SFXN5: variants seen among roughly 807,000 people sequenced by gnomAD.
The protein encoded by SFXN5 is sideroflexin 5, also known as sideroflexin-5.
Under a neutral mutation model 50.2 loss-of-function variants are expected in SFXN5, and 43 were observed. The ratio of observed to expected loss-of-function variants is 0.86; its 90% CI spans 0.67 to 1.11. The LOEUF is 1.11. SFXN5 is among the 50% of genes least tolerant of loss of function. SFXN5 has a pLI of 0.00. For synonymous variants in SFXN5, 203 were observed against 185.8 expected, an observed-to-expected ratio of 1.09 and a Z score of -0.75; for missense variants, 463 against 454.1, an observed-to-expected ratio of 1.02 and a Z score of -0.18.
chr2:72,969,846 G>T (rs1674942104), intron 11 of SFXN5, among the ~76,000 whole-genome samples: 1 of 152,150 alleles, frequency 6.6e-6, no homozygotes, highest in African/African-American at 2.4e-5. Context: ...TTCCCTCGGG[G>T]TCTGCTTGGG....
intron 10 of SFXN5, among the ~76,000 whole-genome samples, chr2:72,979,442 T>G (rs567874465): frequency 3.3e-5 from 5 of 152,274 alleles, no homozygotes; most frequent in African/African-American, 1.2e-4. Context: ...AAGACCAGCC[T>G]GGTCAACATG....
chr2:73,034,059 T>C (rs1290726956), intron 3 of SFXN5, among the ~76,000 whole-genome samples: 1 of 152,228 alleles, frequency 6.6e-6, no homozygotes. Flanking sequence ...CTCTGTGTGC[T>C]GTATCAGCAA....
intron 2 of SFXN5, among the ~76,000 whole-genome samples, chr2:73,045,186 C>G (rs1040461681): frequency 6.6e-6 from 1 of 152,142 alleles, no homozygotes; most frequent in Middle Eastern, 3.2e-3. Context: ...CTTCCTTGCC[C>G]AAGGTCACAG....
At chr2:73,040,759 CG>C in intron 3 of SFXN5, 94 bp downstream of exon 3, 3 of 992,020 alleles carry the variant, frequency 3.0e-6, no homozygotes, top group Non-Finnish European at 4.5e-6. Context: ...ATATGCTGGA[CG>C]AAAGAAGTGG....
rs1271060861 is a variant in SFXN5, at chr2:72,953,622, C to T, written c.945+7509G>A. 6.6e-6 allele frequency among the ~76,000 whole-genome samples: 1 copy of T among 152,168 alleles called. No homozygotes were observed. Among genetic ancestry groups the T allele is most frequent in the Non-Finnish European group, 1.5e-5 (1 of 68,036 alleles). On this transcript the variant is annotated intron_variant, in intron 13 of 13. Coordinates refer to ENST00000272433, the MANE Select transcript of SFXN5 (RefSeq NM_144579.3). The surrounding 1 kb of genome is among the most constrained non-coding windows in gnomAD (Gnocchi z 4.1). ...ATGGAAGGGAGAAAGGTCTACTGTC[C>T]TAAGGGGGAAGATGGAACACAGAAA...
At position 72,968,461 on chromosome 2, in the gene SFXN5, A is replaced by C. The variant is rs1268443456; in HGVS notation, c.814T>G (p.Ser272Ala). ...GCCCCAACTCACTTCTCCAGCATGG[A>C]CATGACGATCGGGGGTAGCACCAGG... Reference protein sequence around the residue: ...PILVLPPIVMSMLEKTALLQA... With the variant: ...PILVLPPIVMAMLEKTALLQA... The change falls in exon 12 of 14, where the codon TCC becomes GCC. Residue 272 changes from serine to alanine, a missense_variant. Physicochemically the swap from Ser to Ala is moderately conservative, Grantham distance 99. Transcript: ENST00000272433. 1 of 1,611,932 alleles carries C rather than the reference A, an allele frequency of 6.2e-7. No individual in the cohort carries two copies. Among genetic ancestry groups the C allele is most frequent in the East Asian group, 2.2e-5 (1 of 44,752 alleles).
At chr2:73,005,549 A>G (rs1288408737) in intron 6 of SFXN5, among the ~76,000 whole-genome samples, 1 of 152,330 alleles carries the variant, frequency 6.6e-6, no homozygotes, top group Non-Finnish European at 1.5e-5. Flanking sequence ...TCGCCTCAGC[A>G]TGCAGCCTGC....
At chr2:73,005,162 C>G (rs1430506665) in intron 6 of SFXN5, among the ~76,000 whole-genome samples, 1 of 152,232 alleles carries the variant, frequency 6.6e-6, no homozygotes, top group Non-Finnish European at 1.5e-5. Context: ...CAGGAGCCAA[C>G]AGCTATGATT....
At position 73,058,521 on chromosome 2, in the gene SFXN5, G is replaced by T; in HGVS notation, c.171+7C>A. 1 of 1,613,646 alleles carries T rather than the reference G, an allele frequency of 6.2e-7. No individual in the cohort carries two copies. The highest frequency in any genetic ancestry group is 1.1e-5 in the South Asian group (1 of 91,046). ...CAAGGGCCACTGAGGTGACAGCCAT[G>T]ACTTACCTCAGTGACAAAGAGTGTG... On this transcript the variant is annotated splice_region_variant and intron_variant, in intron 2 of 13. Transcript: ENST00000272433.
At chr2:73,044,795 T>A (rs954240701) in intron 2 of SFXN5, among the ~76,000 whole-genome samples, 2 of 152,128 alleles carry the variant, frequency 1.3e-5, no homozygotes, top group Non-Finnish European at 2.9e-5. Context: ...AGTCCCTCCA[T>A]GTATTTGAGA....
chr2:73,023,363 C>CAGCT (rs1677149361), intron 3 of SFXN5, 149 bp from the exon 4 acceptor site: 1 of 716,650 alleles, frequency 1.4e-6, no homozygotes, highest in Non-Finnish European at 2.3e-6. Context: ...CCAGGCTGGG[C>CAGCT]AGCTGTCCTA....
chr2:72,952,828 G>A (rs1672681560), intron 13 of SFXN5, among the ~76,000 whole-genome samples: 1 of 152,186 alleles, frequency 6.6e-6, no homozygotes, highest in African/African-American at 2.4e-5. Flanking sequence ...AAAGAGGACA[G>A]CACCCAGGGT....
intron 11 of SFXN5, among the ~76,000 whole-genome samples, 192 bp from the exon 12 acceptor site, chr2:72,968,725 T>C (rs1674779734): frequency 6.6e-6 from 1 of 150,900 alleles, no homozygotes; most frequent in South Asian, 2.1e-4. Context: ...CCTTCCTTCC[T>C]TCCTCCTTCC....
rs1162233676 is a variant in SFXN5, at chr2:72,988,338, T to C, written c.545A>G (p.Asn182Ser). Residue 182 changes from asparagine (N) to serine (S), a missense_variant, in exon 10 of 14, where the codon AAT becomes AGT. Coordinates refer to ENST00000272433, the MANE Select transcript of SFXN5 (RefSeq NM_144579.3). ...CTTGTTGGCTTTCTGAACCAGGACATTAAGGCCCACCTTTGAAAGAAAAAA... is the reference window on the plus strand; with the variant it reads ...CTTGTTGGCTTTCTGAACCAGGACACTAAGGCCCACCTTTGAAAGAAAAAA... Reference protein sequence around the residue: ...ISAVSIAVGLNVLVQKANKFT... With the variant: ...ISAVSIAVGLSVLVQKANKFT... The C allele has an allele frequency of 6.2e-7, 1 of 1,613,780 alleles. No individual in the cohort carries two copies.
intron 8 of SFXN5, among the ~76,000 whole-genome samples, chr2:73,000,007 G>A (rs1395188721): frequency 2.0e-5 from 3 of 152,178 alleles, no homozygotes; most frequent in African/African-American, 7.2e-5. Context: ...CTTGTGGCCA[G>A]CAGTCGGGAC....
intron 10 of SFXN5, among the ~76,000 whole-genome samples, chr2:72,975,321 AAAG>A (rs1173398554): frequency 6.6e-6 from 1 of 152,200 alleles, no homozygotes; most frequent in Admixed American, 6.5e-5. Flanking sequence ...AAGTTCTCCA[AAAG>A]AAGATCATGG....
At chr2:73,061,609 GTAAGAC>G (rs1224342384) in intron 1 of SFXN5, among the ~76,000 whole-genome samples, 1 of 152,012 alleles carries the variant, frequency 6.6e-6, no homozygotes, top group Non-Finnish European at 1.5e-5. Context: ...CAACCTTTCT[GTAAGAC>G]TAAAAGTGTT....
At chr2:72,956,237 T>C (rs1182818132) in intron 13 of SFXN5, among the ~76,000 whole-genome samples, 1 of 152,152 alleles carries the variant, frequency 6.6e-6, no homozygotes, top group Non-Finnish European at 1.5e-5. Context: ...AGGACTGGGG[T>C]CCAGAAGGGA....
Position 72,968,486 on chromosome 2 carries a change from G to A in SFXN5, c.789C>T (p.Ile263=), listed in dbSNP as rs138817704. The change falls in exon 12 of 14, where the codon ATC becomes ATT. Residue 263 remains isoleucine, a synonymous_variant. Transcript: ENST00000272433. ...ACATGACGATCGGGGGTAGCACCAG[G>A]ATGGGCATGGGCAGGACCACTCGCG... ...ALTRVVLPMP[I]LVLPPIVMSM... is the part of the protein sequence containing the mutation. 4.3e-6 allele frequency: 7 copies of A among 1,613,270 alleles called. No individual in the cohort carries two copies. The East Asian group carries it at 1.6e-4, about 36-fold the overall frequency.
Sources: gnomAD v4.1 joint callset for allele counts (sites outside exome capture counted in the v4.1 genomes callset) on GRCh38, gnomAD v4.1.1 for gene constraint, Gnocchi (gnomAD v3.1) non-coding constraint, MANE v1.5 for transcripts, NCBI Gene and HGNC (gene_info 2026-07-23, HGNC 2026-07-21) for gene names.